MYCBP2: variants seen among roughly 807,000 people sequenced by gnomAD.
The protein encoded by MYCBP2 is E3 ubiquitin-protein ligase MYCBP2.
In MYCBP2, 120 loss-of-function variants were observed where a neutral mutation model predicts 525.3. The ratio of observed to expected loss-of-function variants is 0.23; its 90% CI spans 0.20 to 0.27. The LOEUF (loss-of-function observed/expected upper bound fraction) is 0.27, where lower values mean the gene tolerates loss of function less well. Among genes scored for constraint, MYCBP2 ranks in the 10% least tolerant of loss-of-function variants. The pLI, the probability that MYCBP2 is intolerant of heterozygous loss-of-function variation, is 1.00. For synonymous variants in MYCBP2, 1,894 were observed against 1,955.8 expected, an observed-to-expected ratio of 0.97 and a Z score of 0.83; for missense variants, 4,149 against 5,657.1, an observed-to-expected ratio of 0.73 and a Z score of 8.55.
rs1258408499 is a variant in MYCBP2 at position 77,134,540 on chromosome 13, C to CA, written c.7659+4655dup. On this transcript the variant is annotated intron_variant, in intron 52 of 82. Transcript: ENST00000544440. ...CAGGGCAAGGTGCTGTAAAAACAAA[C>CA]AAACAAACAAAAAACAAAACAAAAA... Among the ~76,000 whole-genome samples the CA allele has an allele frequency of 2.0e-3, 304 of 148,364 alleles. 1 individual carries two copies. Among genetic ancestry groups the CA allele is most frequent in the African/African-American group, 5.5e-3 (221 of 40,134 alleles).
intron 49 of MYCBP2, among the ~76,000 whole-genome samples, chr13:77,141,291 T>C (rs1244430378): frequency 2.0e-5 from 3 of 152,210 alleles, no homozygotes; most frequent in African/African-American, 4.8e-5. Context: ...TCATCATCTC[T>C]ACCAGTCCTC....
rs542637033 is a variant in MYCBP2, at chr13:77,069,869, A to G, written c.11904+762T>C. Among the ~76,000 whole-genome samples the G allele has an allele frequency of 1.7e-3, 257 of 147,246 alleles. 4 individuals are homozygous for G. Among genetic ancestry groups the G allele is most frequent in the African/African-American group, 5.6e-3 (226 of 40,456 alleles). ...GGCAACAGAGCGAGACTCCCTCTCG[A>G]AAAAAAAAAAAGTTAGAATAATAGG... On this transcript the variant is annotated intron_variant, in intron 69 of 82. Coordinates refer to ENST00000544440, the MANE Select transcript of MYCBP2 (RefSeq NM_015057.5).
rs755395340 is a variant in MYCBP2, at chr13:77,191,822, A to G, written c.3936-9T>C. 1 of 1,613,050 alleles carries G rather than the reference A, an allele frequency of 6.2e-7. No homozygotes were observed. The highest frequency in any genetic ancestry group is 1.1e-5 in the South Asian group (1 of 90,872). ...TCATTGCATATTTTTCTCTGAGAAA[A>G]AATTAGTGAGTCAAAAACAATATTT... is the stretch of plus-strand genomic sequence containing the variant. On this transcript the variant is annotated splice_polypyrimidine_tract_variant and intron_variant, in intron 27 of 82. Transcript: ENST00000544440.
intron 59 of MYCBP2, chr13:77,090,545 C>G: frequency 4.5e-6 from 1 of 221,378 alleles, no homozygotes; most frequent in South Asian, 1.5e-4. Flanking sequence ...GAATCAAAAG[C>G]ACTGGGGTGG....
chr13:77,089,732 G>A (rs929779904), intron 60 of MYCBP2, among the ~76,000 whole-genome samples: 4 of 151,438 alleles, frequency 2.6e-5, no homozygotes, highest in Non-Finnish European at 5.9e-5. Flanking sequence ...AGCTCCAAGA[G>A]TTATCAAGCT....
chr13:77,295,186 G>A (rs2078040028), intron 2 of MYCBP2, among the ~76,000 whole-genome samples: 1 of 152,142 alleles, frequency 6.6e-6, no homozygotes, highest in Non-Finnish European at 1.5e-5. Flanking sequence ...CCAGGCTGGA[G>A]TGCAGTGGTG....
Position 77,251,152 on chromosome 13 carries a change from C to A in MYCBP2, c.2380G>T (p.Gly794Trp). Reference protein sequence around the residue: ...SSGRPDRVPGGICGCGSGESG... With the variant: ...SSGRPDRVPGWICGCGSGESG... Reference sequence around the variant, plus strand: ...TTAGTAGGAATCATTGTCTCTTACCCTCCGGGGACTCTGTCTGGCCGTCCA... The same window carrying A: ...TTAGTAGGAATCATTGTCTCTTACCATCCGGGGACTCTGTCTGGCCGTCCA... The change falls in exon 15 of 83, where the codon GGG (glycine) becomes TGG (tryptophan). Residue 794 changes from glycine to tryptophan, a missense_variant and splice_region_variant. Around this residue, in one of 21 missense-constraint regions of MYCBP2, gnomAD observed 620 missense variants for 795.5 expected, o/e 0.78. Coordinates refer to ENST00000544440, the MANE Select transcript of MYCBP2 (RefSeq NM_015057.5). The A allele has an allele frequency of 6.2e-7, 1 of 1,613,624 alleles. No homozygotes were observed. The highest frequency in any genetic ancestry group is 8.5e-7 in the Non-Finnish European group (1 of 1,179,966).
Position 77,198,398 on chromosome 13 carries a change from G to A in MYCBP2, c.3844-4154C>T, listed in dbSNP as rs1457703657. 4.6e-5 allele frequency among the ~76,000 whole-genome samples: 7 copies of A among 152,140 alleles called. No homozygotes were observed. The South Asian group carries it at 1.0e-3, about 22-fold the overall frequency. On this transcript the variant is annotated intron_variant, in intron 26 of 82. Coordinates refer to ENST00000544440, the MANE Select transcript of MYCBP2 (RefSeq NM_015057.5). ...TGGGCCTCCATGGGGAATGTCCTTG[G>A]AAACCAGCATTATGAAGAAGAGTGT...
chr13:77,122,776 T>C (rs1212509453), intron 54 of MYCBP2, among the ~76,000 whole-genome samples: 2 of 151,948 alleles, frequency 1.3e-5, no homozygotes, highest in Non-Finnish European at 2.9e-5. Context: ...CCTTCCTACC[T>C]GTAAATTGCA....
At chr13:77,240,072 G>T (rs1018343568) in intron 17 of MYCBP2, among the ~76,000 whole-genome samples, 1 of 152,096 alleles carries the variant, frequency 6.6e-6, no homozygotes, top group East Asian at 1.9e-4. Context: ...CTATGGAAGT[G>T]TAAGTATATC....
chr13:77,106,630 T>G (rs2047893689), intron 55 of MYCBP2, among the ~76,000 whole-genome samples: 1 of 152,186 alleles, frequency 6.6e-6, no homozygotes, highest in South Asian at 2.1e-4. Context: ...TCATGTTGTT[T>G]AGTTCTCAAT....
rs1196176250 is a variant in MYCBP2 at position 77,095,378 on chromosome 13, G to C, written c.10179C>G (p.Leu3393=). ...SEDLPVKMPC[L]YLQTLARHHH... is the part of the protein sequence containing the mutation. Reference sequence around the variant, plus strand: ...ATTACCTAGCTAATGTCTGCAGGTAGAGACAAGGCATTTTCACAGGAAGAT... The same window carrying C: ...ATTACCTAGCTAATGTCTGCAGGTACAGACAAGGCATTTTCACAGGAAGAT... The change falls in exon 58 of 83, where the codon CTC becomes CTG. Residue 3393 remains leucine (L), a synonymous_variant. Transcript: ENST00000544440. 1 of 1,613,360 alleles carries C rather than the reference G, an allele frequency of 6.2e-7. No individual in the cohort carries two copies. The highest frequency in any genetic ancestry group is 1.1e-5 in the South Asian group (1 of 91,072).
chr13:77,133,441 T>C (rs1370322847), intron 52 of MYCBP2, among the ~76,000 whole-genome samples: 1 of 152,176 alleles, frequency 6.6e-6, no homozygotes, highest in Admixed American at 6.5e-5. Flanking sequence ...ATGAGCAAAG[T>C]GTAATTTTTA....
At chr13:77,112,787 C>T (rs1247015582) in intron 55 of MYCBP2, among the ~76,000 whole-genome samples, 1 of 152,060 alleles carries the variant, frequency 6.6e-6, no homozygotes, top group Non-Finnish European at 1.5e-5. Flanking sequence ...TTCTCCTCAC[C>T]CTCCTGCATT....
At position 77,185,360 on chromosome 13, in the gene MYCBP2, C is replaced by T; in HGVS notation, c.4462G>A (p.Val1488Ile). ...YPVSATGKAV[V>I]EETSKLAECI... The stretch of plus-strand genomic sequence containing the variant: ...TCTGCTAATTTGCTAGTTTCTTCTA[C>T]AACTGCTTTTCCTGTAGCTTTGAGG... The change falls in exon 32 of 83, where the codon GTA (valine) becomes ATA (isoleucine). Residue 1488 changes from valine (V) to isoleucine (I), a missense_variant. Coordinates refer to ENST00000544440, the MANE Select transcript of MYCBP2 (RefSeq NM_015057.5). 1 of 1,611,676 alleles carries T rather than the reference C, an allele frequency of 6.2e-7. No homozygotes were observed. The highest frequency in any genetic ancestry group is 8.5e-7 in the Non-Finnish European group (1 of 1,178,268).
chr13:77,092,349 A>G (rs1420482072), intron 59 of MYCBP2: 2 of 152,160 alleles, frequency 1.3e-5, no homozygotes, highest in African/African-American at 4.8e-5. Context: ...CCTACAAAAT[A>G]TATCTCTTTA....
At chr13:77,284,144 AAAT>A (rs1257728152) in intron 3 of MYCBP2, among the ~76,000 whole-genome samples, 1 of 152,166 alleles carries the variant, frequency 6.6e-6, no homozygotes, top group Non-Finnish European at 1.5e-5. Context: ...ATTAGTAACT[AAAT>A]AATAATTTAA....
intron 23 of MYCBP2, among the ~76,000 whole-genome samples, chr13:77,207,494 G>A (rs772213973): frequency 1.3e-5 from 2 of 151,964 alleles, no homozygotes; most frequent in Non-Finnish European, 2.9e-5. Context: ...TAGAGTCTCA[G>A]TTTTCCAAGA....
At chr13:77,060,101 A>G (rs1408273229) in intron 76 of MYCBP2, among the ~76,000 whole-genome samples, 1 of 152,202 alleles carries the variant, frequency 6.6e-6, no homozygotes, top group Non-Finnish European at 1.5e-5. Context: ...GAACTCTGCA[A>G]TTTGAAAAGG....
Sources: gnomAD v4.1 joint callset for allele counts (sites outside exome capture counted in the v4.1 genomes callset) on GRCh38, gnomAD v4.1.1 for gene constraint, gnomAD v4.1.1 regional missense constraint, MANE v1.5 for transcripts, NCBI Gene and HGNC (gene_info 2026-07-23, HGNC 2026-07-21) for gene names.